EPHA5: variants seen among roughly 807,000 people sequenced by gnomAD.
The protein encoded by EPHA5 is ephrin type-A receptor 5.
In EPHA5, 60 loss-of-function variants were observed where a neutral mutation model predicts 105.0. The observed-to-expected ratio is 0.57, with a 90% CI of 0.46 to 0.71. The LOEUF (loss-of-function observed/expected upper bound fraction) is 0.71. EPHA5 is among the 30% of genes least tolerant of loss of function. EPHA5 has a pLI of 0.00. For missense variants in EPHA5, 1,218 were observed against 1,274.7 expected (o/e 0.96, Z 0.68); for synonymous variants, 513 against 449.1 (o/e 1.14, Z -1.80).
chr4:65,628,945 T>A (rs553673415), intron 2 of EPHA5, among the ~76,000 whole-genome samples: 16 of 152,258 alleles, frequency 1.1e-4, no homozygotes, highest in African/African-American at 3.4e-4. Context: ...GAGTAGAACA[T>A]ATGAAGGATT....
At chr4:65,610,364 T>C (rs1415353012) in intron 2 of EPHA5, among the ~76,000 whole-genome samples, 1 of 151,968 alleles carries the variant, frequency 6.6e-6, no homozygotes, top group Non-Finnish European at 1.5e-5. Flanking sequence ...TAGGGACTGC[T>C]TGACAGAGGA....
At chr4:65,649,707 C>G (rs1748427116) in intron 1 of EPHA5, among the ~76,000 whole-genome samples, 1 of 152,118 alleles carries the variant, frequency 6.6e-6, no homozygotes, top group Admixed American at 6.5e-5. Flanking sequence ...GCTTCAATCC[C>G]CATTATTCTA....
At chr4:65,436,102 A>T (rs1725454269) in intron 5 of EPHA5, among the ~76,000 whole-genome samples, 1 of 152,018 alleles carries the variant, frequency 6.6e-6, no homozygotes, top group African/African-American at 2.4e-5. Context: ...TGTGAGGTAG[A>T]TTAAGCTGTT....
chr4:65,538,819 A>G (rs765124050), intron 3 of EPHA5, among the ~76,000 whole-genome samples: 1 of 151,682 alleles, frequency 6.6e-6, no homozygotes, highest in Non-Finnish European at 1.5e-5. Context: ...CATAAAGCTA[A>G]AGCCACTGCT....
chr4:65,623,510 AATATAAC>A (rs1745883784), intron 2 of EPHA5, among the ~76,000 whole-genome samples: 1 of 152,042 alleles, frequency 6.6e-6, no homozygotes, highest in Non-Finnish European at 1.5e-5. Context: ...GTGAGAATAT[AATATAAC>A]ATATAATATA....
chr4:65,527,670 G>A (rs1735368827), intron 3 of EPHA5, among the ~76,000 whole-genome samples: 1 of 152,018 alleles, frequency 6.6e-6, no homozygotes, highest in South Asian at 2.1e-4. Flanking sequence ...GTAAAGTTCT[G>A]GGTATCTTTA....
intron 3 of EPHA5, among the ~76,000 whole-genome samples, chr4:65,594,812 A>C (rs1743009073): frequency 6.6e-6 from 1 of 152,160 alleles, no homozygotes; most frequent in Admixed American, 6.5e-5. Flanking sequence ...ATCATCCACC[A>C]ACACCACTTA....
chr4:65,551,577 T>C (rs943340373), intron 3 of EPHA5, among the ~76,000 whole-genome samples: 4 of 152,142 alleles, frequency 2.6e-5, no homozygotes, highest in Non-Finnish European at 5.9e-5. Context: ...AGCCACTGAA[T>C]GTGTGCATAT....
intron 3 of EPHA5, among the ~76,000 whole-genome samples, chr4:65,507,680 G>A (rs985146294): frequency 2.6e-5 from 4 of 151,982 alleles, no homozygotes; most frequent in South Asian, 2.1e-4. Flanking sequence ...TCTGTTATTC[G>A]TGTATAAGAA....
intron 3 of EPHA5, among the ~76,000 whole-genome samples, chr4:65,565,691 T>TAA (rs1036131586): frequency 6.8e-6 from 1 of 146,166 alleles, no homozygotes. Context: ...AAATAGCCAT[T>TAA]AAAAAAAAAA....
intron 2 of EPHA5, among the ~76,000 whole-genome samples, chr4:65,640,472 G>A (rs1362036958): frequency 2.0e-5 from 3 of 151,842 alleles, no homozygotes; most frequent in African/African-American, 4.8e-5. Flanking sequence ...ATTTTTAGTA[G>A]AGACAGGGTG....
chr4:65,388,259 A>G (rs549987792), intron 8 of EPHA5, among the ~76,000 whole-genome samples: 1,773 of 151,202 alleles, frequency 0.012, 15 homozygotes, highest in Non-Finnish European at 0.018. Flanking sequence ...GCTATTGTGA[A>G]TAGTGCCACA....
intron 5 of EPHA5, among the ~76,000 whole-genome samples, chr4:65,482,091 A>G (rs1408803533): frequency 2.0e-5 from 3 of 152,098 alleles, no homozygotes; most frequent in Non-Finnish European, 4.4e-5. Flanking sequence ...TGAGGTCAGG[A>G]GTTTGAGACC....
At chr4:65,366,081 A>G in intron 9 of EPHA5, 24 bp from the exon 10 acceptor site, 1 of 1,577,490 alleles carries the variant, frequency 6.3e-7, no homozygotes. Flanking sequence ...TTGGCATTAA[A>G]ACAGAAGTAG....
intron 3 of EPHA5, among the ~76,000 whole-genome samples, chr4:65,516,902 A>T (rs1734160272): frequency 6.6e-6 from 1 of 151,288 alleles, no homozygotes; most frequent in Non-Finnish European, 1.5e-5. Context: ...ACCAGACAGC[A>T]CAGCATGTGG....
intron 3 of EPHA5, among the ~76,000 whole-genome samples, chr4:65,576,000 G>GAAAGAAAGAAAGAAAGAA (rs565281266): frequency 6.7e-4 from 20 of 29,714 alleles, no homozygotes; most frequent in South Asian, 1.4e-3. Flanking sequence ...GAGAGAGAGA[G>GAAAGAAAGAAAGAAAGAA]AGAAAGAAAG....
At chr4:65,441,399 C>T (rs1012211205) in intron 5 of EPHA5, among the ~76,000 whole-genome samples, 2 of 151,906 alleles carry the variant, frequency 1.3e-5, no homozygotes, top group African/African-American at 4.8e-5. Context: ...AAGCTATTTG[C>T]AAAGTATATT....
chr4:65,542,984 C>G (rs531196745), intron 3 of EPHA5, among the ~76,000 whole-genome samples: 1 of 152,082 alleles, frequency 6.6e-6, no homozygotes, highest in South Asian at 2.1e-4. Flanking sequence ...ATGATTATCT[C>G]CATAGATGCA....
At chr4:65,389,677 A>C (rs1406204992) in intron 8 of EPHA5, among the ~76,000 whole-genome samples, 1 of 152,064 alleles carries the variant, frequency 6.6e-6, no homozygotes, top group African/African-American at 2.4e-5. Context: ...AGGAAAAATC[A>C]AGGGGAATAG....
Sources: allele counts gnomAD v4.1 joint callset (sites outside exome capture counted in the v4.1 genomes callset), GRCh38; gene constraint gnomAD v4.1.1; transcripts MANE v1.5; gene names NCBI Gene and HGNC (gene_info 2026-07-23, HGNC 2026-07-21).